Variants in CCDC60 observed in about 807,000 individuals in gnomAD.
The protein encoded by CCDC60 is coiled-coil domain-containing protein 60.
A neutral mutation model predicts 63.5 loss-of-function variants in CCDC60; 54 were observed. That is an observed-to-expected ratio of 0.85 (90% confidence interval 0.68 to 1.07). The LOEUF (loss-of-function observed/expected upper bound fraction) is 1.07, where lower values mean the gene tolerates loss of function less well. Ranked by LOEUF, CCDC60 falls within the 50% of genes least tolerant of loss-of-function variation. The probability of loss-of-function intolerance (pLI) is 0.00; values close to 1 mark genes in which losing one functional copy is unlikely to be tolerated. For synonymous variants in CCDC60, 206 were observed against 238.8 expected, an observed-to-expected ratio of 0.86 and a Z score of 1.27; for missense variants, 651 against 684.3, an observed-to-expected ratio of 0.95 and a Z score of 0.54.
intron 2 of CCDC60, among the ~76,000 whole-genome samples, chr12:119,438,875 G>A (rs1037093637): frequency 6.6e-6 from 1 of 152,010 alleles, no homozygotes; most frequent in African/African-American, 2.4e-5. Flanking sequence ...TTTTGTGTCT[G>A]AATAAGGACA....
chr12:119,376,211 C>G (rs1368821220), intron 1 of CCDC60, among the ~76,000 whole-genome samples: 1 of 152,214 alleles, frequency 6.6e-6, no homozygotes. Flanking sequence ...AGAGGCAACC[C>G]TCTCTGAGCT....
intron 1 of CCDC60, among the ~76,000 whole-genome samples, chr12:119,391,087 G>A (rs985674306): frequency 2.6e-5 from 4 of 152,158 alleles, no homozygotes; most frequent in Non-Finnish European, 5.9e-5. Flanking sequence ...TTTATAAAAT[G>A]TGAGGGGAGG....
intron 3 of CCDC60, among the ~76,000 whole-genome samples, chr12:119,474,633 C>T (rs1951137248): frequency 6.6e-6 from 1 of 152,166 alleles, no homozygotes; most frequent in African/African-American, 2.4e-5. Context: ...GGTTGTACAA[C>T]ATGGTGCAAT....
chr12:119,499,514 T>C (rs1319609305), intron 5 of CCDC60, among the ~76,000 whole-genome samples: 1 of 152,122 alleles, frequency 6.6e-6, no homozygotes, highest in Non-Finnish European at 1.5e-5. Context: ...CATCACAAGG[T>C]TATAGTGATT....
At chr12:119,459,081 T>C (rs147806942) in intron 2 of CCDC60, among the ~76,000 whole-genome samples, 1 of 152,318 alleles carries the variant, frequency 6.6e-6, no homozygotes, top group African/African-American at 2.4e-5. Flanking sequence ...CTTCTGAGAT[T>C]AACTGATTGC....
chr12:119,481,994 A>G (rs996976324), intron 4 of CCDC60, among the ~76,000 whole-genome samples: 6 of 110,226 alleles, frequency 5.4e-5, no homozygotes, highest in Non-Finnish European at 9.5e-5. Context: ...ATGTATATAT[A>G]TATGTATATA....
intron 1 of CCDC60, among the ~76,000 whole-genome samples, chr12:119,393,621 A>T (rs1956199235): frequency 6.6e-6 from 1 of 152,220 alleles, no homozygotes; most frequent in Non-Finnish European, 1.5e-5. Context: ...AACATGCTTA[A>T]TCAACTCGCC....
At chr12:119,389,259 A>G (rs1406235617) in intron 1 of CCDC60, among the ~76,000 whole-genome samples, 1 of 152,220 alleles carries the variant, frequency 6.6e-6, no homozygotes, top group Non-Finnish European at 1.5e-5. Context: ...AGAGTCAACA[A>G]ACTACAGTTC....
intron 1 of CCDC60, among the ~76,000 whole-genome samples, chr12:119,343,029 A>T (rs148825372): frequency 2.7e-3 from 418 of 152,352 alleles, no homozygotes; most frequent in African/African-American, 9.7e-3. Flanking sequence ...AGCACTTACA[A>T]AAAATCTGAC....
At chr12:119,342,809 A>G (rs1460279890) in intron 1 of CCDC60, among the ~76,000 whole-genome samples, 1 of 152,250 alleles carries the variant, frequency 6.6e-6, no homozygotes, top group East Asian at 1.9e-4. Context: ...TAACACAAGC[A>G]TGGATCTAAA....
At chr12:119,488,987 T>G (rs868212088) in intron 5 of CCDC60, 121 bp downstream of exon 5, 12 of 773,538 alleles carry the variant, frequency 1.6e-5, no homozygotes, top group Middle Eastern at 3.3e-4. Context: ...TCAGTTCCTC[T>G]TCTATGTGCT....
At chr12:119,472,292 C>T (rs563972210) in intron 3 of CCDC60, 128 bp downstream of exon 3, 1 of 836,412 alleles carries the variant, frequency 1.2e-6, no homozygotes, top group African/African-American at 1.7e-5. Flanking sequence ...TGGCATCTAA[C>T]ACCTTCTTTA....
chr12:119,440,488 C>G (rs1460562945), intron 2 of CCDC60, among the ~76,000 whole-genome samples: 1 of 152,060 alleles, frequency 6.6e-6, no homozygotes, highest in East Asian at 1.9e-4. Flanking sequence ...TGAGATCGCG[C>G]CACTGCACTC....
At chr12:119,364,407 C>T (rs919929048) in intron 1 of CCDC60, among the ~76,000 whole-genome samples, 1 of 152,150 alleles carries the variant, frequency 6.6e-6, no homozygotes, top group Non-Finnish European at 1.5e-5. Context: ...CAGGCAACTC[C>T]TCATCTATAC....
intron 4 of CCDC60, 70 bp from the exon 5 acceptor site, chr12:119,488,689 C>A: frequency 1.5e-6 from 2 of 1,313,048 alleles, no homozygotes; most frequent in Admixed American, 1.7e-5. Flanking sequence ...ACTACTATTT[C>A]TGTGGCTATT....
chr12:119,502,728 G>T (rs1951886047), intron 6 of CCDC60, among the ~76,000 whole-genome samples: 1 of 152,116 alleles, frequency 6.6e-6, no homozygotes, highest in Non-Finnish European at 1.5e-5. Context: ...ATTGTCCCAG[G>T]CTATCCCCTA....
rs747663726 is a variant in CCDC60 at position 119,456,001 on chromosome 12, G to GAAAGAGAAAGAAAAAGAAAGAA, written c.171-15992_171-15991insAAGAGAAAGAAAAAGAAAGAAA. Among the ~76,000 whole-genome samples the GAAAGAGAAAGAAAAAGAAAGAA allele has an allele frequency of 1.2e-4, 6 of 51,110 alleles. No individual in the cohort carries two copies. The highest frequency in any genetic ancestry group is 4.9e-4 in the African/African-American group (5 of 10,244). The allele number at this position is 51,110 out of a possible 152,430, so 33.5% of individuals were successfully genotyped here. A position where few individuals can be genotyped will look rare whatever the true frequency, so the allele number is the denominator to read the frequency against. ...AGGGAGAGAGAAAGAGAGAGAGAAA[G>GAAAGAGAAAGAAAAAGAAAGAA]AGAAAGAAAGAAAGAAAGAAAGAAA... On this transcript the variant is annotated intron_variant, in intron 2 of 13. Coordinates refer to ENST00000327554, the MANE Select transcript of CCDC60 (RefSeq NM_178499.5). This position sits in a 1 kb window ranked among gnomAD's most constrained non-coding sequence, Gnocchi z 4.6.
At chr12:119,489,535 C>T (rs1566038370) in intron 5 of CCDC60, among the ~76,000 whole-genome samples, 2 of 152,092 alleles carry the variant, frequency 1.3e-5, no homozygotes, top group Admixed American at 6.6e-5. Context: ...AAAGCTTGGA[C>T]GCCACTGTTG....
intron 1 of CCDC60, among the ~76,000 whole-genome samples, chr12:119,349,522 AG>A (rs1371545485): frequency 6.6e-6 from 1 of 151,874 alleles, no homozygotes; most frequent in Non-Finnish European, 1.5e-5. Context: ...TATTTTTAGT[AG>A]GGACAGGGTT....
Sources: allele counts gnomAD v4.1 joint callset (sites outside exome capture counted in the v4.1 genomes callset), GRCh38; gene constraint gnomAD v4.1.1; non-coding constraint Gnocchi (gnomAD v3.1); transcripts MANE v1.5; gene names NCBI Gene and HGNC (gene_info 2026-07-23, HGNC 2026-07-21).